Variants in NUF2 observed in about 807,000 individuals in gnomAD.
NUF2 encodes the protein NUF2 component of NDC80 kinetochore complex.
A neutral mutation model predicts 61.8 loss-of-function variants in NUF2; 34 were observed. The observed-to-expected ratio is 0.55, with a 90% CI of 0.42 to 0.73. The LOEUF (loss-of-function observed/expected upper bound fraction) is 0.73. Among genes scored for constraint, NUF2 ranks in the 30% least tolerant of loss-of-function variants. NUF2 has a pLI of 0.00. For missense variants in NUF2, 445 were observed against 539.1 expected, an observed-to-expected ratio of 0.83 and a Z score of 1.73; for synonymous variants, 172 against 181.6, an observed-to-expected ratio of 0.95 and a Z score of 0.42.
chr1:163,338,391 T>C (rs2101678613), intron 7 of NUF2, among the ~76,000 whole-genome samples: 1 of 152,174 alleles, frequency 6.6e-6, no homozygotes, highest in East Asian at 1.9e-4. Context: ...TATTGTCTTA[T>C]GTAGGTGAGC....
chr1:163,353,274 T>C (rs911385320), intron 13 of NUF2, among the ~76,000 whole-genome samples: 5 of 152,168 alleles, frequency 3.3e-5, no homozygotes, highest in African/African-American at 9.7e-5. Flanking sequence ...GACTAATTTA[T>C]ACGTATGTGA....
chr1:163,328,600 G>T (rs866817453), intron 4 of NUF2: 1 of 504,444 alleles, frequency 2.0e-6, no homozygotes, highest in Non-Finnish European at 3.5e-6. Flanking sequence ...GTGTCACCAA[G>T]TTTATGTACT....
chr1:163,335,533 A>C (rs1358978752), intron 5 of NUF2, among the ~76,000 whole-genome samples: 1 of 151,428 alleles, frequency 6.6e-6, no homozygotes, highest in Non-Finnish European at 1.5e-5. Context: ...TAGCCGTTTG[A>C]ATATAATGTG....
chr1:163,323,367 A>G (rs1650302560), intron 1 of NUF2, among the ~76,000 whole-genome samples: 1 of 152,190 alleles, frequency 6.6e-6, no homozygotes, highest in Non-Finnish European at 1.5e-5. Context: ...TGTAGAATGC[A>G]TATTTATGCT....
At chr1:163,322,553 A>T (rs1213577621) in intron 1 of NUF2, among the ~76,000 whole-genome samples, 1 of 152,250 alleles carries the variant, frequency 6.6e-6, no homozygotes, top group South Asian at 2.1e-4. Flanking sequence ...CTACGCATGC[A>T]TAACGCCATC....
At chr1:163,326,448 T>G (rs1300341585) in intron 2 of NUF2, among the ~76,000 whole-genome samples, 2 of 151,836 alleles carry the variant, frequency 1.3e-5, no homozygotes, top group Non-Finnish European at 2.9e-5. Flanking sequence ...ATATTAAATT[T>G]TTTATTATTA....
intron 5 of NUF2, among the ~76,000 whole-genome samples, chr1:163,334,150 C>A (rs1404495207): frequency 1.3e-5 from 2 of 152,152 alleles, no homozygotes; most frequent in Non-Finnish European, 2.9e-5. Context: ...GACATTATTT[C>A]TTCTTTTTAG....
chr1:163,332,999 T>C (rs2136243), intron 5 of NUF2, among the ~76,000 whole-genome samples: 39,553 of 152,076 alleles, frequency 0.26, 6,530 homozygotes, highest in East Asian at 0.6. Flanking sequence ...TTAATAGCGT[T>C]GTTCAAGCCT....
At chr1:163,327,107 C>A (rs772732354) in intron 2 of NUF2, among the ~76,000 whole-genome samples, 4,897 of 32,626 alleles carry the variant, frequency 0.15, 89 homozygotes, top group Non-Finnish European at 0.25. Flanking sequence ...TTCACACACA[C>A]ACACACACAC....
chr1:163,325,972 T>C, intron 1 of NUF2, 60 bp from the exon 2 acceptor site: 2 of 1,324,924 alleles, frequency 1.5e-6, no homozygotes, highest in Non-Finnish European at 1.1e-6. Flanking sequence ...TGTTTATTAG[T>C]TTCCAGATAA....
At position 163,347,831 on chromosome 1, in the gene NUF2, T is replaced by C. The variant is rs780486655; in HGVS notation, c.1017T>C (p.Asn339=). The C allele has an allele frequency of 6.2e-7, 1 of 1,611,698 alleles. No individual in the cohort carries two copies. Among genetic ancestry groups the C allele is most frequent in the African/African-American group, 1.3e-5 (1 of 74,724 alleles). Reference sequence around the variant, plus strand: ...TGAAGAAATTGAAGACTGAAGAAAATTCGTTCAAAAGACTGATGATTGTGA... The same window carrying C: ...TGAAGAAATTGAAGACTGAAGAAAACTCGTTCAAAAGACTGATGATTGTGA... ...SELKKLKTEE[N]SFKRLMIVKK... is the part of the protein sequence containing the mutation. The change falls in exon 12 of 14, where the codon AAT becomes AAC. Residue 339 remains asparagine, a synonymous_variant. Coordinates refer to ENST00000271452, the MANE Select transcript of NUF2 (RefSeq NM_145697.3).
At chr1:163,348,726 A>C (rs1651214387) in intron 12 of NUF2, among the ~76,000 whole-genome samples, 1 of 152,170 alleles carries the variant, frequency 6.6e-6, no homozygotes, top group Non-Finnish European at 1.5e-5. Context: ...AGGGAAAAAA[A>C]ATCTCATTAA....
At chr1:163,328,444 T>C in intron 4 of NUF2, 140 bp downstream of exon 4, 2 of 546,388 alleles carry the variant, frequency 3.7e-6, no homozygotes, top group Non-Finnish European at 6.3e-6. Flanking sequence ...TCATTCAAAC[T>C]TTCAAAATTG....
intron 11 of NUF2, among the ~76,000 whole-genome samples, chr1:163,347,124 C>T (rs1453417032): frequency 6.6e-6 from 1 of 152,190 alleles, no homozygotes; most frequent in African/African-American, 2.4e-5. Context: ...GTGCCCAACA[C>T]TGTATCTAGG....
chr1:163,347,870 T>C lies in NUF2; in HGVS notation c.1056T>C (p.Leu352=). 3 of 1,611,908 alleles carry C rather than the reference T, an allele frequency of 1.9e-6. No individual in the cohort carries two copies. Among genetic ancestry groups the C allele is most frequent in the Non-Finnish European group, 2.5e-6 (3 of 1,179,234 alleles). ...TGATGATTGTGAAGAAGGAAAAACT[T>C]GCCACAGCACAATTCAAAATAAATA... ...KRLMIVKKEK[L]ATAQFKINKK... is the part of the protein sequence containing the mutation. The change falls in exon 12 of 14, where the codon CTT becomes CTC. Residue 352 remains leucine (L), a synonymous_variant. Coordinates refer to ENST00000271452, the MANE Select transcript of NUF2 (RefSeq NM_145697.3).
intron 4 of NUF2, 41 bp downstream of exon 4, chr1:163,328,345 A>C: frequency 8.1e-7 from 1 of 1,233,762 alleles, no homozygotes; most frequent in Non-Finnish European, 1.2e-6. Flanking sequence ...CTACATTCGT[A>C]TTTATATTAC....
Position 163,347,695 on chromosome 1 carries a change from T to C in NUF2, c.949-68T>C, listed in dbSNP as rs184104812. On this transcript the variant is annotated intron_variant, in intron 11 of 13. Transcript: ENST00000271452. Reference sequence around the variant, plus strand: ...TTTAATTATAGTTCATCCTAGAAAATATTCTTTCATTTTATTTCTAAATCC... The same window carrying C: ...TTTAATTATAGTTCATCCTAGAAAACATTCTTTCATTTTATTTCTAAATCC... The C allele has an allele frequency of 8.2e-5, 88 of 1,069,484 alleles. 1 individual carries two copies. In the Middle Eastern group the frequency reaches 2.2e-3, roughly 26 times the overall value. The allele number at this position is 1,069,484 out of a possible 1,614,324, so 66.2% of individuals were successfully genotyped here. A position where few individuals can be genotyped will look rare whatever the true frequency, so the allele number is the denominator to read the frequency against.
At position 163,334,158 on chromosome 1, in the gene NUF2, T is replaced by C. The variant is rs567070638; in HGVS notation, c.338-2593T>C. On this transcript the variant is annotated intron_variant, in intron 5 of 13. Transcript: ENST00000271452. ...TGCAGAAGACATTATTTCTTCTTTT[T>C]AGTGGTTGAGTAGTGTTCTCTGGTA... Among the ~76,000 whole-genome samples the C allele has an allele frequency of 1.1e-3, 161 of 152,344 alleles. 1 individual carries two copies. Among genetic ancestry groups the C allele is most frequent in the African/African-American group, 3.6e-3 (151 of 41,570 alleles).
In NUF2 at chr1:163,339,412, A is replaced by C; in HGVS notation, c.541A>C (p.Lys181Gln). Residue 181 changes from lysine (K) to glutamine (Q), a missense_variant, in exon 8 of 14, where the codon AAG (lysine) becomes CAG (glutamine). Physicochemically the swap from Lys to Gln is moderately conservative, Grantham distance 53 (BLOSUM62 1). Coordinates refer to ENST00000271452, the MANE Select transcript of NUF2 (RefSeq NM_145697.3). ...TCCAGTTGAAGAGCAAGAAGAGTTC[A>C]AGCAGCTTTCAGATGGAATTCAGGA... ...SVPVEEQEEF[K>Q]QLSDGIQELQ... 28 of 1,612,572 alleles carry C rather than the reference A, an allele frequency of 1.7e-5. No individual in the cohort carries two copies. Among genetic ancestry groups the C allele is most frequent in the Non-Finnish European group, 2.0e-5 (24 of 1,178,730 alleles).
Sources: allele counts gnomAD v4.1 joint callset (sites outside exome capture counted in the v4.1 genomes callset), GRCh38; gene constraint gnomAD v4.1.1; transcripts MANE v1.5; gene names NCBI Gene and HGNC (gene_info 2026-07-23, HGNC 2026-07-21).